The following KDM2A variants were observed in gnomAD, a reference collection of about 807,000 sequenced individuals.
KDM2A encodes lysine demethylase 2A.
Under a neutral mutation model 137.3 loss-of-function variants are expected in KDM2A, and 3 were observed. The ratio of observed to expected loss-of-function variants is 0.02; its 90% CI spans 0.01 to 0.06. The LOEUF (loss-of-function observed/expected upper bound fraction) is 0.06, where lower values mean the gene tolerates loss of function less well. Ranked by LOEUF, KDM2A falls within the 10% of genes least tolerant of loss-of-function variation. The probability of loss-of-function intolerance (pLI) is 1.00; values close to 1 mark genes in which losing one functional copy is unlikely to be tolerated. For missense variants in KDM2A, 738 were observed against 1,510.6 expected (o/e 0.49, Z 8.48); for synonymous variants, 512 against 541.5 (o/e 0.95, Z 0.76).
intron 17 of KDM2A, among the ~76,000 whole-genome samples, chr11:67,251,786 G>T (rs1464207670): frequency 6.6e-6 from 1 of 152,180 alleles, no homozygotes; most frequent in African/African-American, 2.4e-5. Flanking sequence ...AATTGTTTCA[G>T]TCTCTAAATA....
rs774898626 is a variant in KDM2A at position 67,231,824 on chromosome 11, A to G, written c.1343A>G (p.Asp448Gly). The stretch of plus-strand genomic sequence containing the variant: ...GATCCCCAGTGTGCTCCCCGAAAGG[A>G]CAGGCAAGTGCATCTGACCCATTTT... ...VWDPQCAPRK[D>G]RQVHLTHFEL... Residue 448 changes from aspartate (D) to glycine (G), a missense_variant, in exon 12 of 21, where the codon GAC (aspartate) becomes GGC (glycine). Asp to Gly is a moderately conservative substitution (Grantham distance 94). Transcript: ENST00000529006. The G allele has an allele frequency of 3.7e-6, 6 of 1,613,934 alleles. No individual in the cohort carries two copies. Among genetic ancestry groups the G allele is most frequent in the Non-Finnish European group, 1.7e-6 (2 of 1,179,902 alleles).
intron 8 of KDM2A, among the ~76,000 whole-genome samples, chr11:67,217,108 G>T (rs1218948067): frequency 1.3e-5 from 2 of 151,692 alleles, no homozygotes; most frequent in Non-Finnish European, 2.9e-5. Context: ...TGGGTGTGGT[G>T]GCGCACGCCT....
Position 67,252,721 on chromosome 11 carries a change from A to G in KDM2A, c.2796A>G (p.Lys932=), listed in dbSNP as rs1859470097. ...GCTGCGACAAGAGACTTTGGACAAA[A>G]ATTGACTTGAGTAGGTGTAAGGCCA... ...KWCCDKRLWT[K]IDLSRCKAIV... The change falls in exon 18 of 21, where the codon AAA becomes AAG. Residue 932 remains lysine (K), a synonymous_variant. Coordinates refer to ENST00000529006, the MANE Select transcript of KDM2A (RefSeq NM_012308.3). The G allele has an allele frequency of 1.9e-6, 3 of 1,613,930 alleles. No homozygotes were observed.
chr11:67,250,471 C>G lies in KDM2A; in HGVS notation c.2441C>G (p.Ser814Cys). 5.0e-6 allele frequency: 8 copies of G among 1,614,082 alleles called. No individual in the cohort carries two copies. Among genetic ancestry groups the G allele is most frequent in the Non-Finnish European group, 6.8e-6 (8 of 1,179,906 alleles). The change falls in exon 17 of 21, where the codon TCC becomes TGC. Residue 814 changes from serine (S) to cysteine (C), a missense_variant. Physicochemically the swap from Ser to Cys is moderately radical, Grantham distance 112. This residue lies in a region of KDM2A where 244 missense variants were observed against 324.6 expected (regional missense o/e 0.75). Transcript: ENST00000529006. This position sits in a 1 kb window ranked among gnomAD's most constrained non-coding sequence, Gnocchi z 7.1. ...CCCACCAAAGAGCTCCACGGGACAT[C>G]CATTGTGCCCAAGCTGCAGGCCATC... The part of the protein sequence containing the change: ...QRPTKELHGT[S>C]IVPKLQAITA...
intron 12 of KDM2A, among the ~76,000 whole-genome samples, chr11:67,239,544 C>T (rs1858963732): frequency 6.6e-6 from 1 of 152,090 alleles, no homozygotes; most frequent in Non-Finnish European, 1.5e-5. Flanking sequence ...AGGCAGTGTG[C>T]CGGAGAGAGA....
chr11:67,160,676 C>T (rs1473490294), intron 2 of KDM2A, among the ~76,000 whole-genome samples: 2 of 152,070 alleles, frequency 1.3e-5, no homozygotes, highest in Non-Finnish European at 2.9e-5. Context: ...GAGGCTGAGG[C>T]AGGAGAATCA....
At chr11:67,171,930 C>G (rs1217799165) in intron 2 of KDM2A, among the ~76,000 whole-genome samples, 1 of 152,244 alleles carries the variant, frequency 6.6e-6, no homozygotes, top group Non-Finnish European at 1.5e-5. Context: ...ACCACCCAGT[C>G]TTGATTACTA....
rs1455161450 is a variant in KDM2A at position 67,256,812 on chromosome 11, G to C, written c.*1757G>C. The C allele has an allele frequency of 6.6e-6, 1 of 152,620 alleles. No individual in the cohort carries two copies. Among genetic ancestry groups the C allele is most frequent in the Admixed American group, 6.5e-5 (1 of 15,272 alleles). 9.5% of individuals were successfully genotyped at this position (152,620 alleles called of 1,614,324 possible). On this transcript the variant is annotated 3_prime_UTR_variant, in exon 21 of 21. Transcript: ENST00000529006. ...CCTGGTAGGGGGTGGCATTTTGTTT[G>C]TTTCTTCCAATCTGCTGAATCTTTT...
At chr11:67,230,951 GT>G (rs1422231324) in intron 11 of KDM2A, among the ~76,000 whole-genome samples, 1 of 149,702 alleles carries the variant, frequency 6.7e-6, no homozygotes. Flanking sequence ...AAGTTTTTTG[GT>G]TTTTTTTTGT....
chr11:67,250,812 CAG>C lies in KDM2A; in HGVS notation c.2768+15_2768+16del, dbSNP rs753374116. 21 of 1,511,932 alleles carry C rather than the reference CAG, an allele frequency of 1.4e-5. No homozygotes were observed. In the East Asian group the frequency reaches 3.0e-4, roughly 21 times the overall value. The allele number at this position is 1,511,932 out of a possible 1,614,324, so 93.7% of individuals were successfully genotyped here. A position where few individuals can be genotyped will look rare whatever the true frequency, so the allele number is the denominator to read the frequency against. ...GTGGTATAAATGGTGAGCAGGGATT[CAG>C]GGGGTCAGGAATTAGGGGTATGGGA... On this transcript the variant is annotated intron_variant, in intron 17 of 20. Coordinates refer to ENST00000529006, the MANE Select transcript of KDM2A (RefSeq NM_012308.3). This position sits in a 1 kb window ranked among gnomAD's most constrained non-coding sequence, Gnocchi z 7.1.
In KDM2A at chr11:67,214,207, AT is replaced by A. The variant is rs58629654; in HGVS notation, c.487-1118del. 7.1e-4 allele frequency among the ~76,000 whole-genome samples: 73 copies of A among 103,294 alleles called. 1 individual carries two copies. Among genetic ancestry groups the A allele is most frequent in the African/African-American group, 2.8e-3 (68 of 24,440 alleles). The allele number at this position is 103,294 out of a possible 152,430, so 67.8% of individuals were successfully genotyped here. On this transcript the variant is annotated intron_variant, in intron 6 of 20. Transcript: ENST00000529006. Reference sequence around the variant, plus strand: ...AGGCATGCGCCACCATGCGCAGCTAATTTTTTTTTTTTTTTGAGACGGAGTC... The same window carrying A: ...AGGCATGCGCCACCATGCGCAGCTAATTTTTTTTTTTTTTGAGACGGAGTC...
Position 67,215,349 on chromosome 11 carries a change from A to C in KDM2A, c.496A>C (p.Ile166Leu). The C allele has an allele frequency of 6.2e-7, 1 of 1,611,650 alleles. No individual in the cohort carries two copies. Among genetic ancestry groups the C allele is most frequent in the Non-Finnish European group, 8.5e-7 (1 of 1,178,098 alleles). ...CTCCTTCTATTTAAAGGTGGATTTC[A>C]TTGACTGGGTAGACAACATGTGGCC... The part of the protein sequence containing the change: ...MVQRPSTVDF[I>L]DWVDNMWPRH... Residue 166 changes from isoleucine to leucine, a missense_variant, in exon 7 of 21, where the codon ATT becomes CTT. Ile to Leu is a conservative substitution (Grantham distance 5, BLOSUM62 2). This residue lies in a region of KDM2A where 43 missense variants were observed against 254.6 expected (regional missense o/e 0.17). Transcript: ENST00000529006.
chr11:67,198,069 T>C (rs920507097), intron 5 of KDM2A, among the ~76,000 whole-genome samples: 1 of 152,212 alleles, frequency 6.6e-6, no homozygotes, highest in African/African-American at 2.4e-5. Flanking sequence ...TCTTTTCATC[T>C]TCATGATGAG....
chr11:67,128,910 G>A (rs528463931), intron 2 of KDM2A, among the ~76,000 whole-genome samples: 3 of 152,306 alleles, frequency 2.0e-5, no homozygotes, highest in Non-Finnish European at 2.9e-5. Flanking sequence ...TTGAATGCTA[G>A]GATTAAGCCA....
intron 2 of KDM2A, among the ~76,000 whole-genome samples, chr11:67,135,408 T>A (rs764396001): frequency 1.3e-5 from 2 of 152,190 alleles, no homozygotes; most frequent in African/African-American, 4.8e-5. Context: ...GGAAATGAGA[T>A]AAAAGTTGTG....
chr11:67,163,465 G>C (rs191337620), intron 2 of KDM2A, among the ~76,000 whole-genome samples: 28 of 152,272 alleles, frequency 1.8e-4, no homozygotes, highest in African/African-American at 5.1e-4. Context: ...AATGCCATTG[G>C]AGAAGAGGCA....
intron 11 of KDM2A, among the ~76,000 whole-genome samples, chr11:67,229,818 C>T (rs554760775): frequency 5.3e-5 from 8 of 150,094 alleles, no homozygotes; most frequent in African/African-American, 1.2e-4. Flanking sequence ...TGCAGTGAGC[C>T]GAGATCACGC....
chr11:67,163,872 T>C (rs560739720), intron 2 of KDM2A, among the ~76,000 whole-genome samples: 87 of 150,068 alleles, frequency 5.8e-4, no homozygotes, highest in Non-Finnish European at 9.3e-4. Context: ...AAAAAAAAAA[T>C]CACAGTTGCT....
intron 5 of KDM2A, chr11:67,195,986 C>A: frequency 2.3e-6 from 1 of 436,116 alleles, no homozygotes; most frequent in South Asian, 1.9e-5. Context: ...GTTGTGATTT[C>A]TTCAAACTTA....
Sources: allele counts gnomAD v4.1 joint callset (sites outside exome capture counted in the v4.1 genomes callset), GRCh38; gene constraint gnomAD v4.1.1; regional missense constraint gnomAD v4.1.1; non-coding constraint Gnocchi (gnomAD v3.1); transcripts MANE v1.5; gene names NCBI Gene and HGNC (gene_info 2026-07-23, HGNC 2026-07-21).